The following FAM149A variants were observed in gnomAD, a reference collection of about 807,000 sequenced individuals.
The protein encoded by FAM149A is protein FAM149A.
FAM149A carries 71 observed loss-of-function variants against 78.2 expected under a neutral mutation model. The observed-to-expected ratio is 0.91, with a 90% CI of 0.75 to 1.11. FAM149A has a LOEUF of 1.11. Ranked by LOEUF, FAM149A falls within the 50% of genes least tolerant of loss-of-function variation. FAM149A has a pLI of 0.00. For missense variants in FAM149A, 1,036 were observed against 971.0 expected (o/e 1.07, Z -0.89); for synonymous variants, 446 against 410.5 (o/e 1.09, Z -1.04).
At chr4:186,126,357 GGA>G (rs1161978356) in intron 1 of FAM149A, among the ~76,000 whole-genome samples, 1 of 152,128 alleles carries the variant, frequency 6.6e-6, no homozygotes, top group Non-Finnish European at 1.5e-5. Context: ...CTGAGCTAAG[GGA>G]CACCCAGATA....
chr4:186,155,087 C>G (rs977658904), intron 6 of FAM149A: 8 of 261,282 alleles, frequency 3.1e-5, no homozygotes, highest in Non-Finnish European at 4.8e-5. Context: ...CTCAGCCTCC[C>G]GAGTAGCTGG....
At chr4:186,167,491 A>C in intron 13 of FAM149A, 1 of 574,130 alleles carries the variant, frequency 1.7e-6, no homozygotes, top group Non-Finnish European at 3.2e-6. Context: ...AAAAGCTCTC[A>C]ATGAACTGGG....
Position 186,105,645 on chromosome 4 carries a change from G to C in FAM149A, c.566+3G>C, listed in dbSNP as rs2099308431. 6 of 1,061,900 alleles carry C rather than the reference G, an allele frequency of 5.7e-6. No individual in the cohort carries two copies. The South Asian group carries it at 7.4e-5, about 13-fold the overall frequency. The allele number at this position is 1,061,900 out of a possible 1,614,324, so 65.8% of individuals were successfully genotyped here. A position where few individuals can be genotyped will look rare whatever the true frequency, so the allele number is the denominator to read the frequency against. Reference sequence around the variant, plus strand: ...GGCGACTCCGGGGATGGCGAAGCGTGAGTAGCAGCGTGGTCCGGGCGCGTG... The same window carrying C: ...GGCGACTCCGGGGATGGCGAAGCGTCAGTAGCAGCGTGGTCCGGGCGCGTG... On this transcript the variant is annotated splice_donor_region_variant and intron_variant, in intron 1 of 13. Coordinates refer to ENST00000389354, the MANE Select transcript of FAM149A (RefSeq NM_001367768.3).
chr4:186,107,933 C>A (rs913254999), intron 1 of FAM149A, among the ~76,000 whole-genome samples: 3 of 152,164 alleles, frequency 2.0e-5, no homozygotes, highest in African/African-American at 7.2e-5. Context: ...ACTCCTTTTT[C>A]AATCACTAAA....
At chr4:186,141,377 G>T (rs929095625) in intron 1 of FAM149A, among the ~76,000 whole-genome samples, 3 of 151,926 alleles carry the variant, frequency 2.0e-5, no homozygotes, top group Admixed American at 6.5e-5. Flanking sequence ...ATTTATATTA[G>T]ATTAAAATAT....
At chr4:186,158,073 C>T in intron 8 of FAM149A, 1 of 1,362,398 alleles carries the variant, frequency 7.3e-7, no homozygotes, top group Non-Finnish European at 9.7e-7. Flanking sequence ...GGAGAAGCTG[C>T]TGCTGGCAGC....
intron 1 of FAM149A, chr4:186,145,196 C>G (rs1163439218): frequency 1.0e-6 from 1 of 966,862 alleles, no homozygotes; most frequent in Admixed American, 6.2e-5. Context: ...GGGCCGGCTG[C>G]GTCTGGCCCG....
rs1455807311 is a variant in FAM149A at position 186,111,286 on chromosome 4, C to T, written c.566+5644C>T. The stretch of plus-strand genomic sequence containing the variant: ...ATTTGTTGGAGTTCATTGTAGATTC[C>T]GGATGTTAGTCCTTTGTCAGATGAG... On this transcript the variant is annotated intron_variant, in intron 1 of 13. Transcript: ENST00000389354. Among the ~76,000 whole-genome samples the T allele has an allele frequency of 6.1e-3, 921 of 151,274 alleles. 8 individuals are homozygous for T. The highest frequency in any genetic ancestry group is 0.019 in the African/African-American group (759 of 40,658).
chr4:186,121,899 C>T (rs895729265), intron 1 of FAM149A, among the ~76,000 whole-genome samples: 23 of 152,186 alleles, frequency 1.5e-4, no homozygotes, highest in African/African-American at 5.3e-4. Flanking sequence ...GAATCTGACT[C>T]AAGCGCCCCT....
intron 1 of FAM149A, among the ~76,000 whole-genome samples, chr4:186,143,895 T>G (rs928063754): frequency 1.1e-3 from 173 of 152,322 alleles, no homozygotes; most frequent in African/African-American, 4.0e-3. Flanking sequence ...AGAAATAAAC[T>G]GGGCTTTTTA....
At chr4:186,125,376 A>G (rs879465775) in intron 1 of FAM149A, 1 of 972,494 alleles carries the variant, frequency 1.0e-6, no homozygotes, top group Non-Finnish European at 1.2e-6. Flanking sequence ...AGGTCTCTTG[A>G]TGATAGCCAC....
rs868657892 is a variant in FAM149A at position 186,136,970 on chromosome 4, C to T, written c.567-12203C>T. 4.9e-3 allele frequency among the ~76,000 whole-genome samples: 369 copies of T among 76,052 alleles called. 3 individuals carry two copies. Among genetic ancestry groups the T allele is most frequent in the East Asian group, 5.6e-3 (9 of 1,600 alleles). The allele number at this position is 76,052 out of a possible 152,430, so 49.9% of individuals were successfully genotyped here. A position where few individuals can be genotyped will look rare whatever the true frequency, so the allele number is the denominator to read the frequency against. On this transcript the variant is annotated intron_variant, in intron 1 of 13. Transcript: ENST00000389354. ...TCTCTCTCTCTCTCTCTCTTTCTCT[C>T]TCTCTTTCTCTCTCTCTCTCTCTCT...
intron 1 of FAM149A, among the ~76,000 whole-genome samples, chr4:186,137,815 T>A (rs2099324126): frequency 6.6e-6 from 1 of 151,844 alleles, no homozygotes; most frequent in South Asian, 2.1e-4. Context: ...TTTAAAACAA[T>A]GTACTTATAA....
intron 1 of FAM149A, among the ~76,000 whole-genome samples, chr4:186,148,191 G>A (rs1257928919): frequency 6.6e-6 from 1 of 152,216 alleles, no homozygotes; most frequent in African/African-American, 2.4e-5. Context: ...GCTGGGCGTG[G>A]TGGCAGGCGC....
At chr4:186,137,260 T>C (rs1331106492) in intron 1 of FAM149A, among the ~76,000 whole-genome samples, 32 of 152,174 alleles carry the variant, frequency 2.1e-4, no homozygotes, top group African/African-American at 7.5e-4. Flanking sequence ...TCTTTTTTTT[T>C]TTTCTATATA....
intron 4 of FAM149A, 81 bp downstream of exon 4, chr4:186,152,126 T>C: frequency 7.1e-7 from 1 of 1,407,228 alleles, no homozygotes; most frequent in Non-Finnish European, 9.9e-7. Context: ...ATTCAGTACA[T>C]TTGGTGTGAA....
rs189079048 is a variant in FAM149A at position 186,174,723 on chromosome 4, G to A, written c.*2736G>A. ...TGGCCCTGTCATTGATTTTAAAAAT[G>A]ACCTTCTCATTGCACTGATTTTTAC... On this transcript the variant is annotated 3_prime_UTR_variant, in exon 14 of 14. Coordinates refer to ENST00000389354, the MANE Select transcript of FAM149A (RefSeq NM_001367768.3). Among the ~76,000 whole-genome samples the A allele has an allele frequency of 1.9e-3, 216 of 110,864 alleles. 46 individuals are homozygous for A. Among genetic ancestry groups the A allele is most frequent in the African/African-American group, 5.7e-3 (202 of 35,618 alleles). The allele number at this position is 110,864 out of a possible 152,430, so 72.7% of individuals were successfully genotyped here.
At position 186,153,667 on chromosome 4, in the gene FAM149A, C is replaced by G. The variant is rs551131214; in HGVS notation, c.955C>G (p.Leu319Val). 42 of 1,614,158 alleles carry G rather than the reference C, an allele frequency of 2.6e-5. No individual in the cohort carries two copies. In the Admixed American group the frequency reaches 6.2e-4, roughly 24 times the overall value. ...CAGAGTATTAGGAAGACAGCTGATCCTGCCCACTGACAAAGGCGTCCAGCA... is the reference window on the plus strand; with the variant it reads ...CAGAGTATTAGGAAGACAGCTGATCGTGCCCACTGACAAAGGCGTCCAGCA... Residue 319 changes from leucine (L) to valine (V), a missense_variant, in exon 5 of 14, where the codon CTG becomes GTG. Around this residue, in one of 3 missense-constraint regions of FAM149A, gnomAD observed 716 missense variants for 711.8 expected, o/e 1.01. Transcript: ENST00000389354.
chr4:186,158,263 C>A, intron 8 of FAM149A: 1 of 1,235,962 alleles, frequency 8.1e-7, no homozygotes, highest in South Asian at 1.4e-5. Flanking sequence ...GTCTGCTGGT[C>A]CCAGGCGACC....
Sources: allele counts gnomAD v4.1 joint callset (sites outside exome capture counted in the v4.1 genomes callset), GRCh38; gene constraint gnomAD v4.1.1; regional missense constraint gnomAD v4.1.1; transcripts MANE v1.5; gene names NCBI Gene and HGNC (gene_info 2026-07-23, HGNC 2026-07-21).